The following MACF1 variants were observed in gnomAD, a reference collection of about 807,000 sequenced individuals.
MACF1 encodes microtubule actin crosslinking factor 1, also known as microtubule-actin cross-linking factor 1.
Under a neutral mutation model 854.8 loss-of-function variants are expected in MACF1, and 193 were observed. That is an observed-to-expected ratio of 0.23 (90% CI 0.20 to 0.25). The LOEUF (loss-of-function observed/expected upper bound fraction) is 0.25. Among genes scored for constraint, MACF1 ranks in the 10% least tolerant of loss-of-function variants. The pLI, the probability that MACF1 is intolerant of heterozygous loss-of-function variation, is 1.00. For synonymous variants in MACF1, 3,185 were observed against 3,226.7 expected (o/e 0.99, Z 0.44); for missense variants, 7,722 against 8,929.1 (o/e 0.86, Z 5.45).
chr1:39,464,841 G>C (rs1644629250), intron 94 of MACF1: 1 of 421,964 alleles, frequency 2.4e-6, no homozygotes, highest in South Asian at 2.4e-5. Context: ...TTGAACGCCG[G>C]GGTCGGAGGT....
Position 39,378,515 on chromosome 1 carries a change from C to T in MACF1, c.13268C>T (p.Thr4423Ile). Residue 4423 changes from threonine to isoleucine, a missense_variant, in exon 53 of 101, where the codon ACC (threonine) becomes ATC (isoleucine). Transcript: ENST00000564288. ...SSVGSVNGYH[T>I]CKDLTEIQCD... ...GTAGGCAGTGTAAACGGATACCACACCTGCAAAGGTGAGAATGCCATTTCA... is the reference window on the plus strand; with the variant it reads ...GTAGGCAGTGTAAACGGATACCACATCTGCAAAGGTGAGAATGCCATTTCA... 5 of 1,613,718 alleles carry T rather than the reference C, an allele frequency of 3.1e-6. No homozygotes were observed. Among genetic ancestry groups the T allele is most frequent in the African/African-American group, 1.3e-5 (1 of 75,062 alleles).
intron 2 of MACF1, chr1:39,102,858 G>C (rs1433932472): frequency 2.8e-6 from 2 of 702,358 alleles, no homozygotes; most frequent in Non-Finnish European, 5.2e-6. Context: ...AATTTAGACT[G>C]TTGCTTGAAA....
In MACF1 at chr1:39,296,823, G is replaced by A. The variant is rs796962956; in HGVS notation, c.2356-797G>A. ...AAGGAAAAGAAAGAAAGGAAGGAAG[G>A]AAGGAAGGAAGGAAGGAAGGAAAAG... On this transcript the variant is annotated intron_variant, in intron 20 of 100. Transcript: ENST00000564288. 3.5e-3 allele frequency among the ~76,000 whole-genome samples: 412 copies of A among 116,544 alleles called. 14 individuals are homozygous for A. The East Asian group carries it at 0.057, about 16-fold the overall frequency. 76.5% of individuals were successfully genotyped at this position (116,544 alleles called of 152,430 possible). A position where few individuals can be genotyped will look rare whatever the true frequency, so the allele number is the denominator to read the frequency against.
chr1:39,237,708 C>A (rs1293053074), intron 2 of MACF1, among the ~76,000 whole-genome samples: 1 of 151,490 alleles, frequency 6.6e-6, no homozygotes, highest in Non-Finnish European at 1.5e-5. Context: ...AACTATGCCC[C>A]CAGCTGATTC....
At chr1:39,431,217 A>G (rs1409114529) in intron 66 of MACF1, among the ~76,000 whole-genome samples, 3 of 152,194 alleles carry the variant, frequency 2.0e-5, no homozygotes, top group Non-Finnish European at 2.9e-5. Context: ...TCTAGATTCA[A>G]AAGGTCCAAA....
In MACF1 at chr1:39,173,157, T is replaced by C. The variant is rs375177257; in HGVS notation, c.221-58025T>C. Among the ~76,000 whole-genome samples the C allele has an allele frequency of 3.3e-5, 5 of 152,044 alleles. No homozygotes were observed. In the South Asian group the frequency reaches 6.2e-4, roughly 19 times the overall value. On this transcript the variant is annotated intron_variant, in intron 2 of 93. Transcript: ENST00000361689. The stretch of plus-strand genomic sequence containing the variant: ...GAGATCGAGAGCATCCTGGCCAACA[T>C]GGTGAAATCCCGTCTCTACTAAAAT...
Position 39,309,678 on chromosome 1 carries a change from G to T in MACF1, c.2898G>T (p.Gln966His), listed in dbSNP as rs772188126. The stretch of plus-strand genomic sequence containing the variant: ...TGCGTAAAGACCTTGACCTTGTACA[G>T]ACCTGGAACCTAGAAAAGGTAATTA... ...NYLRKDLDLVQTWNLEKLRSS... is the reference protein window; with the variant it reads ...NYLRKDLDLVHTWNLEKLRSS... Residue 966 changes from glutamine (Q) to histidine (H), a missense_variant, in exon 24 of 101, where the codon CAG (glutamine) becomes CAT (histidine). Physicochemically the swap from Gln to His is conservative, Grantham distance 24 (BLOSUM62 0). This residue lies in a region of MACF1 where 1,137 missense variants were observed against 1,263.0 expected (regional missense o/e 0.90). Coordinates refer to ENST00000564288, the MANE Select transcript of MACF1 (RefSeq NM_001394062.1). The T allele has an allele frequency of 4.3e-6, 7 of 1,612,182 alleles. No individual in the cohort carries two copies. Among genetic ancestry groups the T allele is most frequent in the Non-Finnish European group, 5.1e-6 (6 of 1,179,512 alleles).
intron 2 of MACF1, among the ~76,000 whole-genome samples, chr1:39,249,594 T>G (rs1043483250): frequency 8.5e-5 from 13 of 152,196 alleles, no homozygotes; most frequent in Non-Finnish European, 1.8e-4. Context: ...CAGGAAACAC[T>G]GGGTGCCTAG....
intron 58 of MACF1, among the ~76,000 whole-genome samples, chr1:39,415,142 A>T (rs560533225): frequency 6.6e-6 from 1 of 152,336 alleles, no homozygotes; most frequent in Admixed American, 6.5e-5. Context: ...TTAAATGCAA[A>T]TATGTGTTTC....
Position 39,309,711 on chromosome 1 carries a change from C to T in MACF1, c.2916+15C>T. On this transcript the variant is annotated intron_variant, in intron 24 of 100. Coordinates refer to ENST00000564288, the MANE Select transcript of MACF1 (RefSeq NM_001394062.1). ...ACCTAGAAAAGGTAATTATGAAAAC[C>T]TTACCCCAGGCTTACATTCCATTGG... The T allele has an allele frequency of 6.2e-7, 1 of 1,605,576 alleles. No individual in the cohort carries two copies. The highest frequency in any genetic ancestry group is 8.5e-7 in the Non-Finnish European group (1 of 1,177,438).
Position 39,447,558 on chromosome 1 carries a change from A to G in MACF1, c.19732A>G (p.Thr6578Ala). The G allele has an allele frequency of 6.2e-7, 1 of 1,614,202 alleles. No homozygotes were observed. The highest frequency in any genetic ancestry group is 8.5e-7 in the Non-Finnish European group (1 of 1,180,040). The change falls in exon 81 of 101, where the codon ACT becomes GCT. Residue 6578 changes from threonine (T) to alanine (A), a missense_variant. Physicochemically the swap from Thr to Ala is moderately conservative, Grantham distance 58. Around this residue, in one of 15 missense-constraint regions of MACF1, gnomAD observed 729 missense variants for 900.5 expected, o/e 0.81. Coordinates refer to ENST00000564288, the MANE Select transcript of MACF1 (RefSeq NM_001394062.1). ...TTCTCCACCAAGCCTGATTCTAAAT[A>G]CTGTCCTTTCCCAGATAGAAGAGCA... is the stretch of plus-strand genomic sequence containing the variant. ...IASPPSLILN[T>A]VLSQIEEHKV...
chr1:39,268,139 G>C (rs886954683), intron 6 of MACF1, among the ~76,000 whole-genome samples: 1 of 152,060 alleles, frequency 6.6e-6, no homozygotes, highest in East Asian at 1.9e-4. Flanking sequence ...TTCTTGGCCC[G>C]GGCCCTTCCC....
At chr1:39,203,353 C>A (rs1644414852), upstream of MACF1, among the ~76,000 whole-genome samples, 1 of 152,134 alleles carries the variant, frequency 6.6e-6, no homozygotes, top group Admixed American at 6.6e-5. Context: ...TACACACATA[C>A]CATCTCATCT....
At chr1:39,149,415 C>T (rs1489750545) in intron 2 of MACF1, among the ~76,000 whole-genome samples, 2 of 151,858 alleles carry the variant, frequency 1.3e-5, no homozygotes, top group Admixed American at 6.6e-5. Context: ...CCCAACTACT[C>T]GGGAGGCTGA....
At position 39,385,510 on chromosome 1, in the gene MACF1, G is replaced by A. The variant is rs1434680043; in HGVS notation, c.13925G>A (p.Gly4642Asp). The A allele has an allele frequency of 3.1e-6, 5 of 1,614,110 alleles. No homozygotes were observed. In the African/African-American group the frequency reaches 4.0e-5, roughly 13 times the overall value. ...GAGGCAGCTCAGGGCATCCTAACAG[G>A]CCCTGGAGATGTCTCTCTGTCCACC... ...LNEAAQGILT[G>D]PGDVSLSTSQ... The change falls in exon 57 of 101, where the codon GGC becomes GAC. Residue 4642 changes from glycine to aspartate, a missense_variant. Physicochemically the swap from Gly to Asp is moderately conservative, Grantham distance 94. This residue lies in a region of MACF1 where 2,807 missense variants were observed against 3,235.8 expected (regional missense o/e 0.87). Transcript: ENST00000564288.
At chr1:39,321,000 A>G (rs1646505189) in intron 31 of MACF1, among the ~76,000 whole-genome samples, 1 of 152,210 alleles carries the variant, frequency 6.6e-6, no homozygotes, top group African/African-American at 2.4e-5. Context: ...TGAGATTATT[A>G]CATATTTATT....
chr1:39,106,156 CTT>C (rs1333590922), intron 2 of MACF1, among the ~76,000 whole-genome samples: 1 of 152,014 alleles, frequency 6.6e-6, no homozygotes, highest in Non-Finnish European at 1.5e-5. Context: ...CCTTTTGTCT[CTT>C]TGAGTCTCGG....
intron 62 of MACF1, 141 bp downstream of exon 62, chr1:39,427,755 C>A: frequency 1.0e-6 from 1 of 1,002,982 alleles, no homozygotes; most frequent in Non-Finnish European, 1.4e-6. Flanking sequence ...TTGGAAAAGT[C>A]ACATTCTTGA....
chr1:39,167,030 C>T lies in MACF1; in HGVS notation c.221-64152C>T, dbSNP rs576803380. On this transcript the variant is annotated intron_variant, in intron 2 of 93. Coordinates refer to the MACF1 transcript ENST00000361689. ...AGGCTGCAGTGCAATGGCACAATCT[C>T]GGCTCACTGCAACCTCCGTGTCCTG... Among the ~76,000 whole-genome samples the T allele has an allele frequency of 2.2e-4, 33 of 151,670 alleles. 1 individual carries two copies. Among genetic ancestry groups the T allele is most frequent in the African/African-American group, 8.0e-4 (33 of 41,400 alleles).
Sources: gnomAD v4.1 joint callset for allele counts (sites outside exome capture counted in the v4.1 genomes callset) on GRCh38, gnomAD v4.1.1 for gene constraint, gnomAD v4.1.1 regional missense constraint, MANE v1.5 for transcripts, NCBI Gene and HGNC (gene_info 2026-07-23, HGNC 2026-07-21) for gene names.